ALK: variants seen among roughly 807,000 people sequenced by gnomAD.
The protein encoded by ALK is ALK tyrosine kinase receptor.
In ALK, 74 loss-of-function variants were observed where a neutral mutation model predicts 163.1. The observed-to-expected ratio is 0.45, with a 90% confidence interval of 0.38 to 0.55. The LOEUF (loss-of-function observed/expected upper bound fraction) is 0.55. Ranked by LOEUF, ALK falls within the 20% of genes least tolerant of loss-of-function variation. ALK has a pLI of 0.00. For synonymous variants in ALK, 960 were observed against 843.2 expected, an observed-to-expected ratio of 1.14 and a Z score of -2.40; for missense variants, 2,063 against 2,105.3, an observed-to-expected ratio of 0.98 and a Z score of 0.39.
chr2:29,720,603 G>A (rs557645516), intron 1 of ALK, among the ~76,000 whole-genome samples: 1 of 152,292 alleles, frequency 6.6e-6, no homozygotes, highest in East Asian at 1.9e-4. Flanking sequence ...GAATGCAGTT[G>A]TTTTCCAAAA....
At chr2:29,849,379 T>C (rs1665936045) in intron 1 of ALK, among the ~76,000 whole-genome samples, 1 of 152,160 alleles carries the variant, frequency 6.6e-6, no homozygotes, top group African/African-American at 2.4e-5. Flanking sequence ...CACCTGTGCA[T>C]GTGGTAAGAA....
intron 8 of ALK, among the ~76,000 whole-genome samples, chr2:29,307,274 A>T (rs1175589307): frequency 6.6e-6 from 1 of 152,262 alleles, no homozygotes; most frequent in Non-Finnish European, 1.5e-5. Context: ...CCCTAAATGT[A>T]GGAAATGTTC....
chr2:29,731,864 G>A (rs1446548488), intron 1 of ALK, among the ~76,000 whole-genome samples: 10 of 152,186 alleles, frequency 6.6e-5, no homozygotes. Flanking sequence ...TGGACCAAGA[G>A]CACCCCTGAC....
At chr2:29,484,159 C>T (rs184242349) in intron 4 of ALK, among the ~76,000 whole-genome samples, 6 of 152,208 alleles carry the variant, frequency 3.9e-5, no homozygotes, top group East Asian at 1.9e-4. Flanking sequence ...TTACAATTCA[C>T]GATGAGATTT....
intron 2 of ALK, among the ~76,000 whole-genome samples, chr2:29,710,499 C>CAT (rs71403672): frequency 1.4e-5 from 2 of 144,662 alleles, no homozygotes; most frequent in Non-Finnish European, 3.0e-5. Flanking sequence ...AGTCTGTGTG[C>CAT]GTGTGTGTGT....
intron 11 of ALK, among the ~76,000 whole-genome samples, chr2:29,256,222 C>G (rs535805902): frequency 6.6e-6 from 1 of 152,308 alleles, no homozygotes; most frequent in Admixed American, 6.5e-5. Context: ...AAGCTGTGTG[C>G]TTCCTGACTT....
intron 4 of ALK, among the ~76,000 whole-genome samples, chr2:29,440,613 G>C (rs1176703135): frequency 6.6e-6 from 1 of 152,168 alleles, no homozygotes; most frequent in African/African-American, 2.4e-5. Flanking sequence ...CACAGTGCCT[G>C]GCTGATGAAT....
intron 1 of ALK, among the ~76,000 whole-genome samples, chr2:29,912,621 T>A (rs1667736066): frequency 6.6e-6 from 1 of 152,122 alleles, no homozygotes; most frequent in South Asian, 2.1e-4. Flanking sequence ...ATGGTATATA[T>A]CTGGATAGCT....
In ALK at chr2:29,251,235, C is replaced by T. The variant is rs373846404; in HGVS notation, c.2074G>A (p.Gly692Arg). The T allele has an allele frequency of 9.3e-6, 15 of 1,613,850 alleles. No homozygotes were observed. The highest frequency in any genetic ancestry group is 1.3e-5 in the African/African-American group (1 of 74,920). ...HWLFTTCGASGPHGPTQAQCN... is the reference protein window; with the variant it reads ...HWLFTTCGASRPHGPTQAQCN... ...TGTGCCTGGGTGGGGCCATGGGGCC[C>T]GCTGGCCCCACATGTGGTGAACAGC... Residue 692 changes from glycine to arginine, a missense_variant, in exon 12 of 29, where the codon GGG becomes AGG. By Grantham distance (125) the Gly-to-Arg change is moderately radical (BLOSUM62 -2). Transcript: ENST00000389048.
intron 1 of ALK, among the ~76,000 whole-genome samples, chr2:29,917,886 T>C (rs886504190): frequency 6.6e-6 from 1 of 152,250 alleles, no homozygotes; most frequent in African/African-American, 2.4e-5. Context: ...TCCTGGCTCC[T>C]ACTGAAATCA....
chr2:29,777,217 G>T (rs1681201444), intron 1 of ALK, among the ~76,000 whole-genome samples: 2 of 152,146 alleles, frequency 1.3e-5, no homozygotes, highest in African/African-American at 4.8e-5. Flanking sequence ...AATCCTATTA[G>T]ATTTTTAATA....
intron 1 of ALK, among the ~76,000 whole-genome samples, chr2:29,742,830 C>A (rs1056277246): frequency 6.6e-6 from 1 of 152,192 alleles, no homozygotes; most frequent in Non-Finnish European, 1.5e-5. Context: ...AAGAGCCTTC[C>A]CTACACACAG....
chr2:29,778,607 T>C (rs1489888691), intron 1 of ALK, among the ~76,000 whole-genome samples: 8 of 152,142 alleles, frequency 5.3e-5, no homozygotes, highest in Admixed American at 3.9e-4. Context: ...GGAGGAAGTA[T>C]TGAGCACACT....
intron 3 of ALK, among the ~76,000 whole-genome samples, chr2:29,565,844 T>C (rs542564295): frequency 3.9e-5 from 6 of 152,226 alleles, no homozygotes; most frequent in South Asian, 2.1e-4. Flanking sequence ...GAGTTTGATA[T>C]TGGCGAGATT....
At chr2:29,818,281 GCAATTTGGT>G (rs1207292113) in intron 1 of ALK, among the ~76,000 whole-genome samples, 1 of 152,180 alleles carries the variant, frequency 6.6e-6, no homozygotes, top group African/African-American at 2.4e-5. Context: ...TGTGTTTGAA[GCAATTTGGT>G]CATTATACCG....
chr2:29,868,542 G>C (rs992831812), intron 1 of ALK, among the ~76,000 whole-genome samples: 3 of 152,072 alleles, frequency 2.0e-5, no homozygotes, highest in Admixed American at 2.0e-4. Context: ...TAGAGTGGTC[G>C]GTCAGGAGAG....
rs147349400 is a variant in ALK at position 29,706,393 on chromosome 2, C to T, written c.787+11185G>A. ...GCCATCAACATCTGGTCACTTGCTT[C>T]ATAACACTAAGTATCCAACCTGGCC... On this transcript the variant is annotated intron_variant, in intron 2 of 28. Transcript: ENST00000389048. Among the ~76,000 whole-genome samples, 621 of 152,314 alleles carry T rather than the reference C, an allele frequency of 4.1e-3. 3 individuals carry two copies. The highest frequency in any genetic ancestry group is 0.014 in the African/African-American group (587 of 41,560).
chr2:29,789,123 ATAT>A (rs1664124218), intron 1 of ALK, among the ~76,000 whole-genome samples: 1 of 151,498 alleles, frequency 6.6e-6, no homozygotes, highest in African/African-American at 2.4e-5. Flanking sequence ...TCCCAAGGCA[ATAT>A]GAACACCATA....
At chr2:29,837,083 A>C (rs893461799) in intron 1 of ALK, among the ~76,000 whole-genome samples, 7 of 152,218 alleles carry the variant, frequency 4.6e-5, no homozygotes, top group African/African-American at 1.7e-4. Context: ...TATGAACTAG[A>C]AGTTGTCCTC....
Sources: gnomAD v4.1 joint callset for allele counts (sites outside exome capture counted in the v4.1 genomes callset) on GRCh38, gnomAD v4.1.1 for gene constraint, MANE v1.5 for transcripts, NCBI Gene and HGNC (gene_info 2026-07-23, HGNC 2026-07-21) for gene names.